The following MCM10 variants were observed in gnomAD, a reference collection of about 807,000 sequenced individuals.
MCM10 encodes the protein minichromosome maintenance 10 replication initiation factor, also known as protein MCM10 homolog.
In MCM10, 91 loss-of-function variants were observed where a neutral mutation model predicts 109.9. The ratio of observed to expected loss-of-function variants is 0.83; its 90% CI spans 0.70 to 0.99. MCM10 has a LOEUF of 0.99. Ranked by LOEUF, MCM10 falls within the 50% of genes least tolerant of loss-of-function variation. The probability of loss-of-function intolerance (pLI) is 0.00; values close to 1 mark genes in which losing one functional copy is unlikely to be tolerated. For synonymous variants in MCM10, 380 were observed against 387.2 expected, an observed-to-expected ratio of 0.98 and a Z score of 0.22; for missense variants, 1,077 against 1,061.2, an observed-to-expected ratio of 1.01 and a Z score of -0.21.
chr10:13,175,461 C>A, intron 5 of MCM10, 49 bp from the exon 6 acceptor site: 1 of 1,499,180 alleles, frequency 6.7e-7, no homozygotes, highest in Non-Finnish European at 9.3e-7. Context: ...AAATTCCGTT[C>A]GTGATTATCA....
intron 8 of MCM10, among the ~76,000 whole-genome samples, chr10:13,185,279 G>A (rs192274299): frequency 2.2e-4 from 34 of 152,326 alleles, no homozygotes; most frequent in African/African-American, 7.9e-4. Flanking sequence ...CTCAAGTGTT[G>A]TAAGAGATCT....
chr10:13,162,169 G>A (rs1451566975), intron 1 of MCM10, among the ~76,000 whole-genome samples: 1 of 152,194 alleles, frequency 6.6e-6, no homozygotes, highest in Admixed American at 6.5e-5. Flanking sequence ...GCAGCTTAGT[G>A]TGTTCCAGAA....
intron 16 of MCM10, among the ~76,000 whole-genome samples, chr10:13,199,980 G>A (rs942803764): frequency 3.3e-5 from 5 of 151,996 alleles, no homozygotes; most frequent in Non-Finnish European, 7.4e-5. Flanking sequence ...CTTTTGGTGG[G>A]GGTTGGGGAG....
At chr10:13,198,905 TG>T (rs1834459728) in intron 16 of MCM10, 98 bp downstream of exon 16, 1 of 831,296 alleles carries the variant, frequency 1.2e-6, no homozygotes, top group African/African-American at 1.7e-5. Flanking sequence ...TGTTTTATTT[TG>T]TTTTTCTGAG....
chr10:13,198,062 G>A (rs1019781763), intron 15 of MCM10, among the ~76,000 whole-genome samples: 6 of 151,910 alleles, frequency 3.9e-5, no homozygotes, highest in Middle Eastern at 6.3e-3. Flanking sequence ...ACAAGCGCGC[G>A]CCACCACGCC....
Position 13,182,920 on chromosome 10 carries a change from C to G in MCM10, c.931-13C>G. On this transcript the variant is annotated splice_polypyrimidine_tract_variant and intron_variant, in intron 7 of 19. Coordinates refer to ENST00000378714, the MANE Select transcript of MCM10 (RefSeq NM_018518.5). This position sits in a 1 kb window ranked among gnomAD's most constrained non-coding sequence, Gnocchi z 4.2. ...TACAGTTCAAAATTATAAAAAATAA[C>G]TATTTGTTCCAGGGAAAAACCTTCA... is the stretch of plus-strand genomic sequence containing the variant. 6.2e-7 allele frequency: 1 copy of G among 1,604,718 alleles called. No individual in the cohort carries two copies. Among genetic ancestry groups the G allele is most frequent in the South Asian group, 1.1e-5 (1 of 90,174 alleles).
chr10:13,184,118 A>G (rs1400129490), intron 8 of MCM10, among the ~76,000 whole-genome samples: 1 of 151,942 alleles, frequency 6.6e-6, no homozygotes, highest in African/African-American at 2.4e-5. Flanking sequence ...TCAGCCTCTT[A>G]AAGTGCTGGG....
chr10:13,204,330 A>T lies in MCM10; in HGVS notation c.2464A>T (p.Ile822Phe). 1 of 1,614,240 alleles carries T rather than the reference A, an allele frequency of 6.2e-7. No individual in the cohort carries two copies. Among genetic ancestry groups the T allele is most frequent in the African/African-American group, 1.3e-5 (1 of 75,048 alleles). The change falls in exon 18 of 20, where the codon ATC becomes TTC. Residue 822 changes from isoleucine to phenylalanine, a missense_variant. Coordinates refer to ENST00000378714, the MANE Select transcript of MCM10 (RefSeq NM_018518.5). ...FFKCPCGNRS[I>F]SLDRLPNKHC... Reference sequence around the variant, plus strand: ...CAAATGTCCCTGTGGAAACAGAAGCATCTCCTTGGACAGACTCCCGAACAA... The same window carrying T: ...CAAATGTCCCTGTGGAAACAGAAGCTTCTCCTTGGACAGACTCCCGAACAA...
chr10:13,186,111 T>C lies in MCM10; in HGVS notation c.1099-53T>C, dbSNP rs1437336703. 4.0e-6 allele frequency: 4 copies of C among 994,932 alleles called. No individual in the cohort carries two copies. In the East Asian group the frequency reaches 7.3e-5, roughly 18 times the overall value. 61.6% of individuals were successfully genotyped at this position (994,932 alleles called of 1,614,324 possible). ...CCATTCTTTTTTCTATTCCTGCTAATAAAAGGCCATAATTTTGTCCGCCTT... is the reference window on the plus strand; with the variant it reads ...CCATTCTTTTTTCTATTCCTGCTAACAAAAGGCCATAATTTTGTCCGCCTT... On this transcript the variant is annotated intron_variant, in intron 8 of 19. Coordinates refer to ENST00000378714, the MANE Select transcript of MCM10 (RefSeq NM_018518.5).
In MCM10 at chr10:13,172,012, C is replaced by T. The variant is rs573722239; in HGVS notation, c.350-364C>T. ...CTGGTCTCGAACTGCTGGGCTCTTG[C>T]GTCCTCCTGCCTCAGCCTCCCAAAA... On this transcript the variant is annotated intron_variant, in intron 3 of 19. Transcript: ENST00000378714. This position sits in a 1 kb window ranked among gnomAD's most constrained non-coding sequence, Gnocchi z 5.2. Among the ~76,000 whole-genome samples the T allele has an allele frequency of 1.3e-5, 2 of 152,050 alleles. No homozygotes were observed. Among genetic ancestry groups the T allele is most frequent in the African/African-American group, 4.8e-5 (2 of 41,498 alleles).
chr10:13,182,504 C>A lies in MCM10; in HGVS notation c.931-429C>A, dbSNP rs914277312. Among the ~76,000 whole-genome samples the A allele has an allele frequency of 7.9e-5, 12 of 151,958 alleles. No individual in the cohort carries two copies. The highest frequency in any genetic ancestry group is 6.6e-4 in the Admixed American group (10 of 15,248). ...AAATAATAATCATCATATAATTAAC[C>A]AATGATATGGAATAGATTTACTCAT... is the stretch of plus-strand genomic sequence containing the variant. On this transcript the variant is annotated intron_variant, in intron 7 of 19. Coordinates refer to ENST00000378714, the MANE Select transcript of MCM10 (RefSeq NM_018518.5). This position sits in a 1 kb window ranked among gnomAD's most constrained non-coding sequence, Gnocchi z 4.2.
intron 10 of MCM10, among the ~76,000 whole-genome samples, chr10:13,189,826 T>C (rs549261174): frequency 6.6e-6 from 1 of 152,194 alleles, no homozygotes; most frequent in Non-Finnish European, 1.5e-5. Context: ...CAGGCATCCA[T>C]GGCCCCTTGC....
chr10:13,166,661 C>A (rs12250952), intron 2 of MCM10, among the ~76,000 whole-genome samples: 1 of 89,714 alleles, frequency 1.1e-5, no homozygotes, highest in African/African-American at 5.5e-5. Context: ...TACATACATA[C>A]ATATATATAT....
At chr10:13,181,606 T>A (rs1261597926) in intron 7 of MCM10, among the ~76,000 whole-genome samples, 1 of 152,104 alleles carries the variant, frequency 6.6e-6, no homozygotes, top group African/African-American at 2.4e-5. Flanking sequence ...GGTTAGTAGG[T>A]GCAGCAAACC....
Position 13,186,259 on chromosome 10 carries a change from G to A in MCM10, c.1194G>A (p.Pro398=), listed in dbSNP as rs140047596. 5.0e-5 allele frequency: 80 copies of A among 1,611,604 alleles called. No individual in the cohort carries two copies. The African/African-American group carries it at 7.1e-4, about 14-fold the overall frequency. The change falls in exon 9 of 20, where the codon CCG becomes CCA. Residue 398 remains proline (P), a synonymous_variant. Transcript: ENST00000378714. ...AAGCCAAGAAGAAGAATGGAGAGCC[G>A]TGCACGCAGACTGTGAATTTGGTTG... ...TCKAKKKNGE[P]CTQTVNLRDC...
In MCM10 at chr10:13,172,448, C is replaced by G; in HGVS notation, c.422C>G (p.Thr141Arg). The change falls in exon 4 of 20, where the codon ACA becomes AGA. Residue 141 changes from threonine to arginine, a missense_variant. Physicochemically the swap from Thr to Arg is moderately conservative, Grantham distance 71. Coordinates refer to ENST00000378714, the MANE Select transcript of MCM10 (RefSeq NM_018518.5). This position sits in a 1 kb window ranked among gnomAD's most constrained non-coding sequence, Gnocchi z 5.2. ...CTAAAAGTAACAACAATTAAACAGA[C>G]AGCAAGCCCAGCCCGTCTGCAAAAA... ...EQLKVTTIKQ[T>R]ASPARLQKSP... The G allele has an allele frequency of 6.2e-7, 1 of 1,614,146 alleles. No homozygotes were observed. The highest frequency in any genetic ancestry group is 8.5e-7 in the Non-Finnish European group (1 of 1,180,026).
intron 9 of MCM10, among the ~76,000 whole-genome samples, chr10:13,187,368 A>C (rs1438039537): frequency 2.6e-5 from 4 of 152,250 alleles, no homozygotes; most frequent in African/African-American, 9.6e-5. Flanking sequence ...TACGTTGTTT[A>C]TTCTTTCATC....
intron 18 of MCM10, among the ~76,000 whole-genome samples, chr10:13,206,798 C>CT (rs5783314): frequency 0.49 from 71,260 of 144,426 alleles, 17,378 homozygotes; most frequent in African/African-American, 0.52. Flanking sequence ...TTGTCAGTTG[C>CT]TTTTTTTTTT....
At chr10:13,207,110 T>C (rs1018366673) in intron 18 of MCM10, among the ~76,000 whole-genome samples, 1 of 152,178 alleles carries the variant, frequency 6.6e-6, no homozygotes, top group African/African-American at 2.4e-5. Context: ...TGGCTAGTTC[T>C]TGATCTAGAA....
Sources: allele counts gnomAD v4.1 joint callset (sites outside exome capture counted in the v4.1 genomes callset), GRCh38; gene constraint gnomAD v4.1.1; non-coding constraint Gnocchi (gnomAD v3.1); transcripts MANE v1.5; gene names NCBI Gene and HGNC (gene_info 2026-07-23, HGNC 2026-07-21).